The following SNRPD2 variants were observed in gnomAD, a reference collection of about 807,000 sequenced individuals.
SNRPD2 encodes small nuclear ribonucleoprotein D2 polypeptide.
Under a neutral mutation model 11.5 loss-of-function variants are expected in SNRPD2, and 1 was observed. That is an observed-to-expected ratio of 0.09 (90% CI 0.03 to 0.41). SNRPD2 has a LOEUF of 0.41. SNRPD2 is among the 10% of genes least tolerant of loss of function. The pLI, the probability that SNRPD2 is intolerant of heterozygous loss-of-function variation, is 0.98. For missense variants in SNRPD2, 77 were observed against 154.9 expected (o/e 0.50, Z 2.67); for synonymous variants, 63 against 61.5 (o/e 1.02, Z -0.12).
intron 1 of SNRPD2, among the ~76,000 whole-genome samples, chr19:45,690,158 C>T (rs1169002048): frequency 2.0e-5 from 3 of 150,320 alleles, no homozygotes; most frequent in Middle Eastern, 3.2e-3. Flanking sequence ...GGTGAAACCC[C>T]GTCTCTACTG....
Position 45,687,862 on chromosome 19 carries a change from C to A in SNRPD2, c.183-135G>T, listed in dbSNP as rs906673094. 2.9e-6 allele frequency: 2 copies of A among 686,166 alleles called. No homozygotes were observed. Among genetic ancestry groups the A allele is most frequent in the Non-Finnish European group, 5.0e-6 (2 of 399,766 alleles). 42.5% of individuals were successfully genotyped at this position (686,166 alleles called of 1,614,324 possible). On this transcript the variant is annotated intron_variant, in intron 2 of 2. Coordinates refer to ENST00000342669, the MANE Select transcript of SNRPD2 (RefSeq NM_001384647.1). The surrounding 1 kb of genome is among the most constrained non-coding windows in gnomAD (Gnocchi z 4.1). ...CAGGTGCTAGGCCGGGATGACCAAG[C>A]TGCCAAAGCAACTCTGCCAGTCCTT...
upstream of SNRPD2, chr19:45,692,180 TGG>T: frequency 3.6e-6 from 2 of 557,908 alleles, no homozygotes; most frequent in South Asian, 4.6e-5. Context: ...TCTTGAAGAA[TGG>T]TACAGGTTGA....
At chr19:45,690,329 C>CAAAAAAAAAAAA (rs71175207) in intron 1 of SNRPD2, among the ~76,000 whole-genome samples, 1 of 74,608 alleles carries the variant, frequency 1.3e-5, no homozygotes, top group African/African-American at 5.8e-5. Context: ...GACTCCGTCT[C>CAAAAAAAAAAAA]AAAAAAAAAA....
At position 45,691,925 on chromosome 19, in the gene SNRPD2, C is replaced by A. The variant is rs780731888; in HGVS notation, c.-37G>T. 6 of 1,614,046 alleles carry A rather than the reference C, an allele frequency of 3.7e-6. No individual in the cohort carries two copies. The African/African-American group carries it at 8.0e-5, about 22-fold the overall frequency. ...CGCTCTCCGTTCACTCCCGTTTCCT[C>A]CGCGTTGCTGCTGCCTGAGGAGAGA... On this transcript the variant is annotated 5_prime_UTR_variant, in exon 1 of 3. Transcript: ENST00000342669.
In SNRPD2 at chr19:45,687,768, C is replaced by A; in HGVS notation, c.183-41G>T. 2 of 1,535,542 alleles carry A rather than the reference C, an allele frequency of 1.3e-6. No individual in the cohort carries two copies. The highest frequency in any genetic ancestry group is 1.8e-6 in the Non-Finnish European group (2 of 1,113,490). On this transcript the variant is annotated intron_variant, in intron 2 of 2. Transcript: ENST00000342669. This position sits in a 1 kb window ranked among gnomAD's most constrained non-coding sequence, Gnocchi z 4.1. ...GAGGGGAGGCACTGGGCGTGAGGGGCGTGCCTCTGACAGTGCCCCCTACTG... is the reference window on the plus strand; with the variant it reads ...GAGGGGAGGCACTGGGCGTGAGGGGAGTGCCTCTGACAGTGCCCCCTACTG...
At position 45,688,681 on chromosome 19, in the gene SNRPD2, A is replaced by C. The variant is rs1260740423; in HGVS notation, c.3-115T>G. On this transcript the variant is annotated intron_variant, in intron 1 of 2. Transcript: ENST00000342669. The surrounding 1 kb of genome is among the most constrained non-coding windows in gnomAD (Gnocchi z 4.1). ...AGTGTCTCCCCAACCTTGTCCCACC[A>C]CATCTGTCCTCCTGTTCAGCCTTCT... 1.3e-6 allele frequency: 1 copy of C among 743,552 alleles called. No individual in the cohort carries two copies. Among genetic ancestry groups the C allele is most frequent in the Non-Finnish European group, 2.3e-6 (1 of 430,060 alleles). The allele number at this position is 743,552 out of a possible 1,614,324, so 46.1% of individuals were successfully genotyped here. A position where few individuals can be genotyped will look rare whatever the true frequency, so the allele number is the denominator to read the frequency against.
At chr19:45,690,067 C>G (rs2146116514) in intron 1 of SNRPD2, among the ~76,000 whole-genome samples, 1 of 150,196 alleles carries the variant, frequency 6.7e-6, no homozygotes, top group East Asian at 2.0e-4. Flanking sequence ...CGCGGTGGCT[C>G]ACGCCTGTAA....
At chr19:45,691,217 G>A (rs1259320289) in intron 1 of SNRPD2, among the ~76,000 whole-genome samples, 2 of 152,048 alleles carry the variant, frequency 1.3e-5, no homozygotes, top group Admixed American at 6.6e-5. Context: ...TGCAACCTCC[G>A]CCTCCCGGGT....
Position 45,687,629 on chromosome 19 carries a change from C to T in SNRPD2, c.281G>A (p.Arg94His), listed in dbSNP as rs1477677754. The T allele has an allele frequency of 6.8e-6, 11 of 1,614,142 alleles. No homozygotes were observed. The highest frequency in any genetic ancestry group is 3.3e-5 in the Admixed American group (2 of 60,012). The change falls in exon 3 of 3, where the codon CGC (arginine) becomes CAC (histidine). Residue 94 changes from arginine to histidine, a missense_variant. Transcript: ENST00000342669. This position sits in a 1 kb window ranked among gnomAD's most constrained non-coding sequence, Gnocchi z 4.1. ...KKKSKPVNKD[R>H]YISKMFLRGD... The stretch of plus-strand genomic sequence containing the variant: ...GCGCAGGAACATCTTGGAGATGTAG[C>T]GGTCTTTGTTGACTGGCTTGGACTT...
In SNRPD2 at chr19:45,691,949, G is replaced by C; in HGVS notation, c.-61C>G. 3.7e-6 allele frequency: 6 copies of C among 1,613,812 alleles called. No individual in the cohort carries two copies. Among genetic ancestry groups the C allele is most frequent in the East Asian group, 2.2e-5 (1 of 44,878 alleles). On this transcript the variant is annotated 5_prime_UTR_variant, in exon 1 of 3. Coordinates refer to ENST00000342669, the MANE Select transcript of SNRPD2 (RefSeq NM_001384647.1). The stretch of plus-strand genomic sequence containing the variant: ...TCCGCGTTGCTGCTGCCTGAGGAGA[G>C]AGAGGCGGGACTTCCTCTTCCTGCG...
chr19:45,689,892 C>T (rs1253166157), intron 1 of SNRPD2, among the ~76,000 whole-genome samples: 1 of 151,828 alleles, frequency 6.6e-6, no homozygotes. Flanking sequence ...AACAAATTAA[C>T]CAGGTGTGGT....
intron 1 of SNRPD2, among the ~76,000 whole-genome samples, chr19:45,690,186 C>T (rs1967501053): frequency 6.6e-6 from 1 of 150,830 alleles, no homozygotes; most frequent in African/African-American, 2.4e-5. Flanking sequence ...AAAAAATTAG[C>T]CGGGCGAGGT....
Position 45,691,935 on chromosome 19 carries a change from G to A in SNRPD2, c.-47C>T, listed in dbSNP as rs749605461. Reference sequence around the variant, plus strand: ...TCACTCCCGTTTCCTCCGCGTTGCTGCTGCCTGAGGAGAGAGAGGCGGGAC... The same window carrying A: ...TCACTCCCGTTTCCTCCGCGTTGCTACTGCCTGAGGAGAGAGAGGCGGGAC... On this transcript the variant is annotated 5_prime_UTR_variant, in exon 1 of 3. Transcript: ENST00000342669. The A allele has an allele frequency of 2.5e-6, 4 of 1,613,918 alleles. No homozygotes were observed. Among genetic ancestry groups the A allele is most frequent in the Admixed American group, 3.3e-5 (2 of 59,996 alleles).
At position 45,688,344 on chromosome 19, in the gene SNRPD2, T is replaced by G; in HGVS notation, c.182+43A>C. On this transcript the variant is annotated intron_variant, in intron 2 of 2. Coordinates refer to ENST00000342669, the MANE Select transcript of SNRPD2 (RefSeq NM_001384647.1). The surrounding 1 kb of genome is among the most constrained non-coding windows in gnomAD (Gnocchi z 4.1). Reference sequence around the variant, plus strand: ...TCTTCAGACTGGAGCTGGAGTGGCCTCTCCAGGCCTGCGGAGAACACCTCC... The same window carrying G: ...TCTTCAGACTGGAGCTGGAGTGGCCGCTCCAGGCCTGCGGAGAACACCTCC... The G allele has an allele frequency of 6.3e-7, 1 of 1,576,366 alleles. No individual in the cohort carries two copies. The highest frequency in any genetic ancestry group is 8.7e-7 in the Non-Finnish European group (1 of 1,149,010).
In SNRPD2 at chr19:45,688,307, C is replaced by T. The variant is rs1967459510; in HGVS notation, c.182+80G>A. The T allele has an allele frequency of 1.3e-5, 16 of 1,259,508 alleles. No individual in the cohort carries two copies. The South Asian group carries it at 1.7e-4, about 13-fold the overall frequency. The allele number at this position is 1,259,508 out of a possible 1,614,324, so 78.0% of individuals were successfully genotyped here. On this transcript the variant is annotated intron_variant, in intron 2 of 2. Transcript: ENST00000342669. This position sits in a 1 kb window ranked among gnomAD's most constrained non-coding sequence, Gnocchi z 4.1. ...CATACACCCCAGGCTTCTGAGACAGCTGTCTTTGAGCTCTTCAGACTGGAG... is the reference window on the plus strand; with the variant it reads ...CATACACCCCAGGCTTCTGAGACAGTTGTCTTTGAGCTCTTCAGACTGGAG...
In SNRPD2 at chr19:45,689,511, T is replaced by TACAAA. The variant is rs367980338; in HGVS notation, c.3-950_3-946dup. Among the ~76,000 whole-genome samples, 572 of 151,568 alleles carry TACAAA rather than the reference T, an allele frequency of 3.8e-3. 5 individuals are homozygous for TACAAA. The highest frequency in any genetic ancestry group is 0.01 in the African/African-American group (422 of 41,264). On this transcript the variant is annotated intron_variant, in intron 1 of 2. Transcript: ENST00000342669. ...GGTGAAACCCCATTTCTACTAAAAA[T>TACAAA]ACAAAACAAAACAAAACAAAACAAC...
chr19:45,688,513 C>A lies in SNRPD2; in HGVS notation c.56G>T (p.Arg19Leu). 6.2e-7 allele frequency: 1 copy of A among 1,614,138 alleles called. No individual in the cohort carries two copies. Among genetic ancestry groups the A allele is most frequent in the Non-Finnish European group, 8.5e-7 (1 of 1,179,998 alleles). The stretch of plus-strand genomic sequence containing the variant: ...ACCGGTGTTAAATTCCTCCTCCTCT[C>A]GCTTCTGCAGCTCCTCTGGGGTCAT... ...SEMTPEELQK[R>L]EEEEFNTGPL... Residue 19 changes from arginine (R) to leucine (L), a missense_variant, in exon 2 of 3, where the codon CGA becomes CTA. Physicochemically the swap from Arg to Leu is moderately radical, Grantham distance 102. Coordinates refer to ENST00000342669, the MANE Select transcript of SNRPD2 (RefSeq NM_001384647.1). The surrounding 1 kb of genome is among the most constrained non-coding windows in gnomAD (Gnocchi z 4.1).
Position 45,688,620 on chromosome 19 carries a change from G to A in SNRPD2, c.3-54C>T. The A allele has an allele frequency of 7.0e-7, 1 of 1,421,424 alleles. No individual in the cohort carries two copies. 88.1% of individuals were successfully genotyped at this position (1,421,424 alleles called of 1,614,324 possible). ...TGAGAGAGGCTGGAGTTGAGAGGCT[G>A]GAGCTGTGAGGATGGGTGATCAGGG... On this transcript the variant is annotated intron_variant, in intron 1 of 2. Transcript: ENST00000342669. This position sits in a 1 kb window ranked among gnomAD's most constrained non-coding sequence, Gnocchi z 4.1.
Position 45,687,541 on chromosome 19 carries a change from G to C in SNRPD2, c.*12C>G, listed in dbSNP as rs778496108. 5.0e-6 allele frequency: 8 copies of C among 1,613,094 alleles called. No homozygotes were observed. Among genetic ancestry groups the C allele is most frequent in the Non-Finnish European group, 5.1e-6 (6 of 1,179,194 alleles). On this transcript the variant is annotated 3_prime_UTR_variant, in exon 3 of 3. Coordinates refer to ENST00000342669, the MANE Select transcript of SNRPD2 (RefSeq NM_001384647.1). This position sits in a 1 kb window ranked among gnomAD's most constrained non-coding sequence, Gnocchi z 4.1. Reference sequence around the variant, plus strand: ...GACAGAGGAGTGAGTTCTGTCAACAGACAGGCGGCCCCTACTTGCCGGCGA... The same window carrying C: ...GACAGAGGAGTGAGTTCTGTCAACACACAGGCGGCCCCTACTTGCCGGCGA...
Sources: gnomAD v4.1 joint callset for allele counts (sites outside exome capture counted in the v4.1 genomes callset) on GRCh38, gnomAD v4.1.1 for gene constraint, Gnocchi (gnomAD v3.1) non-coding constraint, MANE v1.5 for transcripts, NCBI Gene and HGNC (gene_info 2026-07-23, HGNC 2026-07-21) for gene names.